The following ZMYND8 variants were observed in gnomAD, a reference collection of about 807,000 sequenced individuals.
ZMYND8 encodes the protein MYND-type zinc finger-containing chromatin reader ZMYND8.
Under a neutral mutation model 140.8 loss-of-function variants are expected in ZMYND8, and 37 were observed. The ratio of observed to expected loss-of-function variants is 0.26; its 90% confidence interval spans 0.20 to 0.35. The LOEUF is 0.35. Among genes scored for constraint, ZMYND8 ranks in the 10% least tolerant of loss-of-function variants. ZMYND8 has a pLI of 1.00. For synonymous variants in ZMYND8, 592 were observed against 597.1 expected (o/e 0.99, Z 0.12); for missense variants, 1,068 against 1,570.0 (o/e 0.68, Z 5.40).
At chr20:47,213,827 T>TG (rs1233502306) in intron 21 of ZMYND8, among the ~76,000 whole-genome samples, 3 of 152,154 alleles carry the variant, frequency 2.0e-5, no homozygotes, top group African/African-American at 7.2e-5. Flanking sequence ...TATCTAATGA[T>TG]GAAGTCAAGA....
At chr20:47,302,240 C>T (rs1028843815) in intron 3 of ZMYND8, among the ~76,000 whole-genome samples, 27 of 152,148 alleles carry the variant, frequency 1.8e-4, no homozygotes, top group Non-Finnish European at 2.9e-4. Context: ...TTTGGGAGGC[C>T]GAGGTGGGTG....
chr20:47,238,996 G>A lies in ZMYND8; in HGVS notation c.2427C>T (p.Ala809=), dbSNP rs2039608244. 2 of 1,608,736 alleles carry A rather than the reference G, an allele frequency of 1.2e-6. No homozygotes were observed. Among genetic ancestry groups the A allele is most frequent in the East Asian group, 2.2e-5 (1 of 44,760 alleles). Residue 809 remains alanine (A), a synonymous_variant, in exon 15 of 23, where the codon GCC becomes GCT. Transcript: ENST00000471951. ...GGCTTCCTGTGGCGGCGGGGGCCGG[G>A]GCCGTGACGGTGACCGTGGAGGACG... ...TSTSSTVTVT[A]PAPAATGSPV...
intron 16 of ZMYND8, among the ~76,000 whole-genome samples, chr20:47,233,205 C>CT (rs1174729822): frequency 0.098 from 8,932 of 91,232 alleles, 1,194 homozygotes; most frequent in African/African-American, 0.25. Flanking sequence ...CCGCACCAGG[C>CT]TTTTTTTTTT....
In ZMYND8 at chr20:47,238,856, T is replaced by C. The variant is rs764584368; in HGVS notation, c.2567A>G (p.Lys856Arg). 10 of 1,613,368 alleles carry C rather than the reference T, an allele frequency of 6.2e-6. 1 individual carries two copies. Among genetic ancestry groups the C allele is most frequent in the Middle Eastern group, 3.3e-4 (2 of 6,084 alleles). ...CTGCTGCTGCTGCTGACGCTGCATC[T>C]TCTGCATGTGCCACTTTTGGGAGGA... ...QTSSQKWHMQKMQRQQQQQQQ... is the reference protein window; with the variant it reads ...QTSSQKWHMQRMQRQQQQQQQ... The change falls in exon 15 of 23, where the codon AAG (lysine) becomes AGG (arginine). Residue 856 changes from lysine to arginine, a missense_variant. Transcript: ENST00000471951.
chr20:47,239,021 G>T lies in ZMYND8; in HGVS notation c.2402C>A (p.Thr801Lys). 6.3e-7 allele frequency: 1 copy of T among 1,597,484 alleles called. No individual in the cohort carries two copies. Among genetic ancestry groups the T allele is most frequent in the Non-Finnish European group, 8.6e-7 (1 of 1,168,792 alleles). Reference protein sequence around the residue: ...SAAGATATTSTSSTVTVTAPA... With the variant: ...SAAGATATTSKSSTVTVTAPA... ...GGCCGTGACGGTGACCGTGGAGGAC[G>T]TGCTGGTGGTGGCTGTGGCGCCAGC... Residue 801 changes from threonine to lysine, a missense_variant, in exon 15 of 23, where the codon ACG becomes AAG. Transcript: ENST00000471951.
intron 11 of ZMYND8, among the ~76,000 whole-genome samples, chr20:47,265,091 C>T (rs987079099): frequency 2.2e-5 from 3 of 135,442 alleles, no homozygotes; most frequent in African/African-American, 7.8e-5. Context: ...GAAGTATTAC[C>T]AATAAAATCT....
chr20:47,300,876 A>G (rs2077972170), intron 3 of ZMYND8, among the ~76,000 whole-genome samples: 1 of 145,638 alleles, frequency 6.9e-6, no homozygotes, highest in South Asian at 2.2e-4. Flanking sequence ...CACCATGCAC[A>G]ACTAATTTTG....
intron 12 of ZMYND8, 108 bp downstream of exon 12, chr20:47,262,180 A>G (rs1396403513): frequency 4.7e-6 from 7 of 1,493,772 alleles, no homozygotes; most frequent in Non-Finnish European, 6.4e-6. Flanking sequence ...CATTTTTTGC[A>G]TAGAGAAAAG....
chr20:47,258,893 G>A (rs537186600), intron 12 of ZMYND8, among the ~76,000 whole-genome samples: 16 of 151,760 alleles, frequency 1.1e-4, no homozygotes, highest in African/African-American at 3.1e-4. Context: ...CCCACAAAAC[G>A]CCCACATTCC....
At chr20:47,319,979 C>T (rs1225597004) in intron 2 of ZMYND8, 2 of 152,018 alleles carry the variant, frequency 1.3e-5, no homozygotes, top group African/African-American at 4.8e-5. Context: ...CTGGCCTTTA[C>T]ATTGTGGCTG....
At chr20:47,240,713 C>A (rs1054546589) in intron 14 of ZMYND8, among the ~76,000 whole-genome samples, 1 of 151,110 alleles carries the variant, frequency 6.6e-6, no homozygotes, top group African/African-American at 2.4e-5. Flanking sequence ...TGCCACCGCA[C>A]CCAGCTAATT....
intron 8 of ZMYND8, among the ~76,000 whole-genome samples, chr20:47,284,892 A>G (rs553982250): frequency 6.6e-6 from 1 of 152,092 alleles, no homozygotes; most frequent in Admixed American, 6.5e-5. Context: ...CCATATGTTG[A>G]TCTATTGAAG....
chr20:47,319,042 C>T (rs751301092), intron 2 of ZMYND8: 21 of 1,350,024 alleles, frequency 1.6e-5, no homozygotes, highest in Non-Finnish European at 2.0e-5. Flanking sequence ...TTCCTGCTTC[C>T]GGATCCTCAG....
intron 3 of ZMYND8, among the ~76,000 whole-genome samples, chr20:47,302,843 T>C (rs1487206910): frequency 6.6e-6 from 1 of 151,964 alleles, no homozygotes; most frequent in African/African-American, 2.4e-5. Context: ...ATCTGAAAAA[T>C]AAGATGACTA....
At chr20:47,230,544 T>A (rs2147072785) in intron 16 of ZMYND8, among the ~76,000 whole-genome samples, 1 of 152,194 alleles carries the variant, frequency 6.6e-6, no homozygotes, top group South Asian at 2.1e-4. Flanking sequence ...TCCACCCACC[T>A]CGGCCTCCCA....
At chr20:47,225,679 A>C (rs921523095) in intron 18 of ZMYND8, among the ~76,000 whole-genome samples, 1 of 150,072 alleles carries the variant, frequency 6.7e-6, no homozygotes, top group East Asian at 2.0e-4. Context: ...CCCCTCATAA[A>C]GAAGTTAACT....
chr20:47,274,542 G>T (rs1016519518), intron 11 of ZMYND8, among the ~76,000 whole-genome samples: 1 of 152,168 alleles, frequency 6.6e-6, no homozygotes, highest in African/African-American at 2.4e-5. Flanking sequence ...GGCTTAAATG[G>T]AACCGTGTCA....
chr20:47,284,703 C>T (rs762748490), intron 8 of ZMYND8, among the ~76,000 whole-genome samples: 31 of 152,104 alleles, frequency 2.0e-4, no homozygotes, highest in Non-Finnish European at 3.8e-4. Flanking sequence ...TGACGACAAT[C>T]CGAAAATTCA....
rs1207176361 is a variant in ZMYND8, at chr20:47,355,569, AACAC to A, written c.14+1084_14+1087del. ...TAAACAGTTACATGGTATTATTAAA[AACAC>A]ACACAACAACAACAACACAACCCAA... is the stretch of plus-strand genomic sequence containing the variant. On this transcript the variant is annotated intron_variant, in intron 1 of 22. Transcript: ENST00000471951. The A allele has an allele frequency of 4.7e-6, 4 of 850,102 alleles. No individual in the cohort carries two copies. The East Asian group carries it at 3.7e-4, about 78-fold the overall frequency. The allele number at this position is 850,102 out of a possible 1,614,324, so 52.7% of individuals were successfully genotyped here. A position where few individuals can be genotyped will look rare whatever the true frequency, so the allele number is the denominator to read the frequency against.
Sources: gnomAD v4.1 joint callset for allele counts (sites outside exome capture counted in the v4.1 genomes callset) on GRCh38, gnomAD v4.1.1 for gene constraint, MANE v1.5 for transcripts, NCBI Gene and HGNC (gene_info 2026-07-23, HGNC 2026-07-21) for gene names.